The following P4HA3 variants were observed in gnomAD, a reference collection of about 807,000 sequenced individuals.
P4HA3 encodes the protein prolyl 4-hydroxylase subunit alpha-3.
Under a neutral mutation model 66.7 loss-of-function variants are expected in P4HA3, and 60 were observed. The ratio of observed to expected loss-of-function variants is 0.90; its 90% CI spans 0.73 to 1.12. P4HA3 has a LOEUF of 1.12. Ranked by LOEUF, P4HA3 falls within the 50% of genes most tolerant of loss-of-function variation. The pLI is 0.00. For synonymous variants in P4HA3, 263 were observed against 274.6 expected (o/e 0.96, Z 0.42); for missense variants, 683 against 685.8 (o/e 1.00, Z 0.05).
At position 74,298,255 on chromosome 11, in the gene P4HA3, C is replaced by T; in HGVS notation, c.674G>A (p.Ser225Asn). 1.2e-6 allele frequency: 2 copies of T among 1,614,118 alleles called. No individual in the cohort carries two copies. The highest frequency in any genetic ancestry group is 1.7e-6 in the Non-Finnish European group (2 of 1,179,990). Residue 225 changes from serine to asparagine, a missense_variant, in exon 4 of 13, where the codon AGT becomes AAT. Transcript: ENST00000331597. Reference sequence around the variant, plus strand: ...CAAGTGATCCAAGGCATCTTCTAGACTTGCCTCATCCTCTGTCTTCCACTC... The same window carrying T: ...CAAGTGATCCAAGGCATCTTCTAGATTTGCCTCATCCTCTGTCTTCCACTC... ...YGEWKTEDEASLEDALDHLAF... is the reference protein window; with the variant it reads ...YGEWKTEDEANLEDALDHLAF...
intron 2 of P4HA3, among the ~76,000 whole-genome samples, chr11:74,302,889 C>A (rs533176436): frequency 4.0e-4 from 61 of 152,130 alleles, no homozygotes; most frequent in African/African-American, 1.4e-3. Context: ...TCTTCTTTTT[C>A]TTTTTCTTTT....
chr11:74,269,627 CT>C (rs1210976448), intron 11 of P4HA3, 24 bp downstream of exon 11: 1 of 1,607,206 alleles, frequency 6.2e-7, no homozygotes, highest in Non-Finnish European at 8.5e-7. Context: ...TCAACCCCGT[CT>C]TCTGGGACCA....
intron 9 of P4HA3, among the ~76,000 whole-genome samples, chr11:74,275,022 A>T (rs1860349163): frequency 6.6e-6 from 1 of 152,214 alleles, no homozygotes. Flanking sequence ...CCATTAAAAA[A>T]AATTGAATTA....
intron 4 of P4HA3, 141 bp from the exon 5 acceptor site, chr11:74,289,271 G>T: frequency 1.4e-6 from 1 of 692,088 alleles, no homozygotes; most frequent in Non-Finnish European, 2.1e-6. Flanking sequence ...AGGAACAGCA[G>T]ACCAGAAATG....
At chr11:74,274,723 G>A (rs908215663) in intron 9 of P4HA3, among the ~76,000 whole-genome samples, 1 of 152,168 alleles carries the variant, frequency 6.6e-6, no homozygotes, top group Non-Finnish European at 1.5e-5. Flanking sequence ...GAAATGGCTG[G>A]ATCATAAGTA....
chr11:74,271,886 A>G (rs1441764139), intron 10 of P4HA3, among the ~76,000 whole-genome samples: 1 of 152,140 alleles, frequency 6.6e-6, no homozygotes, highest in Non-Finnish European at 1.5e-5. Flanking sequence ...GTCCCATGAT[A>G]CTGATTCCCC....
intron 8 of P4HA3, among the ~76,000 whole-genome samples, chr11:74,278,670 G>A (rs1860482497): frequency 6.6e-6 from 1 of 152,164 alleles, no homozygotes; most frequent in Admixed American, 6.5e-5. Flanking sequence ...ATGAGGCTGA[G>A]GTCATAGGGA....
intron 7 of P4HA3, among the ~76,000 whole-genome samples, chr11:74,279,903 C>T (rs1017426674): frequency 6.6e-6 from 1 of 152,198 alleles, no homozygotes; most frequent in African/African-American, 2.4e-5. Flanking sequence ...AAACTCTCTA[C>T]ACTCAGAGGC....
chr11:74,273,950 A>G (rs75238765), intron 9 of P4HA3, among the ~76,000 whole-genome samples: 6,050 of 152,254 alleles, frequency 0.04, 128 homozygotes, highest in Middle Eastern at 0.11. Flanking sequence ...TATTCTGTAG[A>G]AATACCAAAT....
chr11:74,264,160 A>T (rs1360013367), downstream of P4HA3, among the ~76,000 whole-genome samples: 1 of 152,164 alleles, frequency 6.6e-6, no homozygotes, highest in African/African-American at 2.4e-5. Context: ...TTTGAAAGCC[A>T]TCTGGTGGAA....
downstream of P4HA3, among the ~76,000 whole-genome samples, chr11:74,264,385 G>A (rs1363104281): frequency 2.0e-5 from 3 of 152,112 alleles, no homozygotes; most frequent in Admixed American, 6.5e-5. Flanking sequence ...TGCAAAGCCT[G>A]GTCTCTCCTT....
intron 4 of P4HA3, among the ~76,000 whole-genome samples, chr11:74,294,121 T>C (rs1861131500): frequency 6.6e-6 from 1 of 152,248 alleles, no homozygotes; most frequent in South Asian, 2.1e-4. Context: ...CATAGTCCCA[T>C]ATTTCTTGGA....
intron 5 of P4HA3, 32 bp from the exon 6 acceptor site, chr11:74,286,423 A>G (rs987179964): frequency 4.0e-6 from 6 of 1,498,398 alleles, no homozygotes; most frequent in Non-Finnish European, 4.4e-6. Flanking sequence ...AATATAAAAT[A>G]GGGATTAACA....
intron 4 of P4HA3, among the ~76,000 whole-genome samples, chr11:74,297,836 G>C (rs1346951888): frequency 6.6e-6 from 1 of 152,184 alleles, no homozygotes; most frequent in Non-Finnish European, 1.5e-5. Context: ...GAGTTGCTGA[G>C]AGCACAAAAG....
At chr11:74,269,418 T>A (rs778365677) in intron 11 of P4HA3, among the ~76,000 whole-genome samples, 5 of 152,228 alleles carry the variant, frequency 3.3e-5, no homozygotes, top group Admixed American at 1.3e-4. Context: ...GACAGACATG[T>A]AATCATCTAC....
Position 74,291,928 on chromosome 11 carries a change from G to A in P4HA3, c.718-2798C>T, listed in dbSNP as rs375534849. ...TCTCTTTTTTGGTTGTGTCTCTGCC[G>A]GGCTTTGGTATCAGGATGATGCTGG... On this transcript the variant is annotated intron_variant, in intron 4 of 12. Coordinates refer to ENST00000331597, the MANE Select transcript of P4HA3 (RefSeq NM_182904.5). Among the ~76,000 whole-genome samples, 267 of 126,898 alleles carry A rather than the reference G, an allele frequency of 2.1e-3. 3 individuals carry two copies. Among genetic ancestry groups the A allele is most frequent in the African/African-American group, 7.5e-3 (248 of 32,992 alleles). 83.3% of individuals were successfully genotyped at this position (126,898 alleles called of 152,430 possible).
rs1860281219 is a variant in P4HA3 at position 74,273,576 on chromosome 11, G to A, written c.1367C>T (p.Ser456Leu). 1 of 1,564,156 alleles carries A rather than the reference G, an allele frequency of 6.4e-7. No homozygotes were observed. The highest frequency in any genetic ancestry group is 8.6e-7 in the Non-Finnish European group (1 of 1,157,932). Residue 456 changes from serine to leucine, a missense_variant, in exon 10 of 13, where the codon TCA becomes TTA. Transcript: ENST00000331597. ...CATAAATGTTGCAACTCGGTTTCCTGACTTCATTCTGTAGAGGGGGCTGCT... is the reference window on the plus strand; with the variant it reads ...CATAAATGTTGCAACTCGGTTTCCTAACTTCATTCTGTAGAGGGGGCTGCT... The part of the protein sequence containing the change: ...SPSSPLYRMK[S>L]GNRVATFMIY...
chr11:74,257,500 G>A (rs77332111), intron 15 of P4HA3, among the ~76,000 whole-genome samples: 1,709 of 152,214 alleles, frequency 0.011, 21 homozygotes, highest in Middle Eastern at 0.02. Flanking sequence ...TATCTCAGAA[G>A]GAACAGCACA....
At position 74,277,072 on chromosome 11, in the gene P4HA3, A is replaced by C. The variant is rs1318587455; in HGVS notation, c.1248T>G (p.Leu416=). The change falls in exon 9 of 13, where the codon CTT becomes CTG. Residue 416 remains leucine (L), a synonymous_variant. Coordinates refer to ENST00000331597, the MANE Select transcript of P4HA3 (RefSeq NM_182904.5). ...LNHRIAALTG[L]DVRPPYAEYL... is the part of the protein sequence containing the mutation. The stretch of plus-strand genomic sequence containing the variant: ...ACTCTGCATAGGGAGGCCGGACATC[A>C]AGGCCTGTGAGGGCAGCAATGCGGT... 6.2e-7 allele frequency: 1 copy of C among 1,614,118 alleles called. No homozygotes were observed. The highest frequency in any genetic ancestry group is 8.5e-7 in the Non-Finnish European group (1 of 1,180,000).
Sources: gnomAD v4.1 joint callset for allele counts (sites outside exome capture counted in the v4.1 genomes callset) on GRCh38, gnomAD v4.1.1 for gene constraint, MANE v1.5 for transcripts, NCBI Gene and HGNC (gene_info 2026-07-23, HGNC 2026-07-21) for gene names.